NRG3: variants seen among roughly 807,000 people sequenced by gnomAD.
NRG3 encodes the protein neuregulin 3, also known as pro-neuregulin-3, membrane-bound isoform.
In NRG3, 31 loss-of-function variants were observed where a neutral mutation model predicts 66.9. That is an observed-to-expected ratio of 0.46 (90% CI 0.35 to 0.63). NRG3 has a LOEUF of 0.63. Ranked by LOEUF, NRG3 falls within the 20% of genes least tolerant of loss-of-function variation. The pLI is 0.00. For synonymous variants in NRG3, 393 were observed against 359.4 expected (o/e 1.09, Z -1.06); for missense variants, 910 against 878.9 (o/e 1.04, Z -0.45).
intron 1 of NRG3, chr10:82,232,973 GAC>G (rs2076561444): frequency 1.6e-6 from 1 of 620,664 alleles, no homozygotes; most frequent in East Asian, 2.8e-5. Context: ...GGTTGCTTAA[GAC>G]AGAAGAATAT....
rs1418609185 is a variant in NRG3 at position 82,728,526 on chromosome 10, A to T, written c.954-10051A>T. Among the ~76,000 whole-genome samples the T allele has an allele frequency of 2.0e-5, 3 of 152,090 alleles. No homozygotes were observed. The East Asian group carries it at 5.8e-4, about 29-fold the overall frequency. On this transcript the variant is annotated intron_variant, in intron 2 of 8. Transcript: ENST00000372141. ...CCTTGCCTTCTGCCATGATTGTGAG[A>T]TCTCCTCAGCCATGTGGAACTGTAA...
intron 1 of NRG3, among the ~76,000 whole-genome samples, chr10:82,028,887 G>T (rs894134847): frequency 2.0e-5 from 3 of 152,016 alleles, no homozygotes; most frequent in Non-Finnish European, 4.4e-5. Context: ...AGCACGGTTT[G>T]GTGCGATGTT....
chr10:82,670,596 C>CCTGT (rs2053192074), intron 2 of NRG3, among the ~76,000 whole-genome samples: 1 of 152,088 alleles, frequency 6.6e-6, no homozygotes, highest in African/African-American at 2.4e-5. Flanking sequence ...CCCTAGCTTA[C>CCTGT]CTGTCTAGCA....
At chr10:82,909,870 A>G (rs575985700) in intron 4 of NRG3, among the ~76,000 whole-genome samples, 1 of 152,354 alleles carries the variant, frequency 6.6e-6, no homozygotes, top group African/African-American at 2.4e-5. Context: ...GTAAGTGTGA[A>G]CCATCTTACA....
At chr10:82,400,734 A>AT (rs933817984) in intron 2 of NRG3, among the ~76,000 whole-genome samples, 4 of 151,488 alleles carry the variant, frequency 2.6e-5, no homozygotes, top group Non-Finnish European at 5.9e-5. Flanking sequence ...CACCTGGCTA[A>AT]TTTTTTTTAA....
intron 1 of NRG3, among the ~76,000 whole-genome samples, chr10:81,984,924 G>T (rs1203735061): frequency 6.6e-6 from 1 of 152,110 alleles, no homozygotes; most frequent in Non-Finnish European, 1.5e-5. Flanking sequence ...ATACAAAACG[G>T]TGTTTTCAAA....
chr10:82,178,801 T>C (rs966499905), intron 1 of NRG3, among the ~76,000 whole-genome samples: 1 of 152,082 alleles, frequency 6.6e-6, no homozygotes, highest in Non-Finnish European at 1.5e-5. Flanking sequence ...CTTCATAGTG[T>C]TTTCCATAGC....
Position 82,951,550 on chromosome 10 carries a change from C to A in NRG3, c.1136C>A (p.Ala379Glu). 6.2e-7 allele frequency: 1 copy of A among 1,613,480 alleles called. No homozygotes were observed. Among genetic ancestry groups the A allele is most frequent in the Non-Finnish European group, 8.5e-7 (1 of 1,179,488 alleles). ...ATTGTCATCGTGGGCATGTTCTGTG[C>A]AGCATTCTACTTCAAAAGCAAGTAA... Reference protein sequence around the residue: ...FGIVIVGMFCAAFYFKSKKQA... With the variant: ...FGIVIVGMFCEAFYFKSKKQA... The change falls in exon 5 of 9, where the codon GCA becomes GAA. Residue 379 changes from alanine (A) to glutamate (E), a missense_variant. Transcript: ENST00000372141.
At chr10:82,706,977 G>C (rs1174866458) in intron 2 of NRG3, among the ~76,000 whole-genome samples, 5 of 147,920 alleles carry the variant, frequency 3.4e-5, no homozygotes, top group Non-Finnish European at 5.9e-5. Flanking sequence ...CTGGGTGACA[G>C]AGTAAGACTC....
At chr10:82,217,965 T>C (rs2075768031) in intron 1 of NRG3, among the ~76,000 whole-genome samples, 1 of 152,222 alleles carries the variant, frequency 6.6e-6, no homozygotes, top group Non-Finnish European at 1.5e-5. Flanking sequence ...TACTTTCATT[T>C]CCAAATTTTC....
At chr10:82,980,135 G>A (rs947385432) in intron 8 of NRG3, among the ~76,000 whole-genome samples, 1 of 151,998 alleles carries the variant, frequency 6.6e-6, no homozygotes, top group Non-Finnish European at 1.5e-5. Context: ...AGCCTCAGAG[G>A]TGGAGGCTAT....
Position 82,960,663 on chromosome 10 carries a change from T to G in NRG3, c.1284+1588T>G, listed in dbSNP as rs547341809. Among the ~76,000 whole-genome samples, 52 of 152,110 alleles carry G rather than the reference T, an allele frequency of 3.4e-4. 2 individuals are homozygous for G. The highest frequency in any genetic ancestry group is 1.5e-3 in the South Asian group (7 of 4,798). ...CACCACAAATGAAGTGAAAATGGCCTGTTCCTGCCTTAACTGATGACATTC... is the reference window on the plus strand; with the variant it reads ...CACCACAAATGAAGTGAAAATGGCCGGTTCCTGCCTTAACTGATGACATTC... On this transcript the variant is annotated intron_variant, in intron 6 of 8. Coordinates refer to ENST00000372141, the MANE Select transcript of NRG3 (RefSeq NM_001010848.4).
intron 1 of NRG3, among the ~76,000 whole-genome samples, chr10:82,072,328 T>G (rs2064854910): frequency 6.6e-6 from 1 of 152,230 alleles, no homozygotes; most frequent in Admixed American, 6.5e-5. Context: ...TAATTGCTTG[T>G]TCAGCATCTT....
chr10:82,734,564 A>T (rs187128974), intron 2 of NRG3, among the ~76,000 whole-genome samples: 1 of 151,936 alleles, frequency 6.6e-6, no homozygotes, highest in African/African-American at 2.4e-5. Flanking sequence ...CCTCCCTCCC[A>T]TTGTGAGGGA....
At chr10:82,673,555 T>C (rs1292836377) in intron 2 of NRG3, among the ~76,000 whole-genome samples, 1 of 152,146 alleles carries the variant, frequency 6.6e-6, no homozygotes, top group Admixed American at 6.6e-5. Context: ...ACAGATCAGA[T>C]GTGGGAATGA....
At chr10:82,879,442 A>C (rs979315028) in intron 4 of NRG3, among the ~76,000 whole-genome samples, 12 of 151,394 alleles carry the variant, frequency 7.9e-5, no homozygotes, top group African/African-American at 2.9e-4. Flanking sequence ...GTAGCATATA[A>C]AAAATGGTAT....
chr10:82,712,970 A>G (rs1040136521), intron 2 of NRG3, among the ~76,000 whole-genome samples: 4 of 151,920 alleles, frequency 2.6e-5, no homozygotes, highest in African/African-American at 9.7e-5. Context: ...AAATACAAAA[A>G]TTAGCCAGGC....
At chr10:82,512,065 A>G (rs778734964) in intron 2 of NRG3, among the ~76,000 whole-genome samples, 1 of 152,018 alleles carries the variant, frequency 6.6e-6, no homozygotes, top group East Asian at 1.9e-4. Context: ...ATTTTCTGGT[A>G]TATTTTCTGA....
intron 1 of NRG3, among the ~76,000 whole-genome samples, chr10:82,220,907 C>T (rs1053739888): frequency 1.3e-5 from 2 of 151,996 alleles, no homozygotes; most frequent in African/African-American, 4.8e-5. Flanking sequence ...TTGCTTGAGC[C>T]CAGGAGTTGG....
Sources: gnomAD v4.1 joint callset for allele counts (sites outside exome capture counted in the v4.1 genomes callset) on GRCh38, gnomAD v4.1.1 for gene constraint, MANE v1.5 for transcripts, NCBI Gene and HGNC (gene_info 2026-07-23, HGNC 2026-07-21) for gene names.